The following RBFOX1 variants were observed in gnomAD, a reference collection of about 807,000 sequenced individuals.
RBFOX1 encodes the protein RNA binding protein fox-1 homolog 1.
In RBFOX1, 8 loss-of-function variants were observed where a neutral mutation model predicts 57.7. That is an observed-to-expected ratio of 0.14 (90% confidence interval 0.08 to 0.25). The LOEUF (loss-of-function observed/expected upper bound fraction) is 0.25, where lower values mean the gene tolerates loss of function less well. Among genes scored for constraint, RBFOX1 ranks in the 10% least tolerant of loss-of-function variants. The pLI is 1.00. For synonymous variants in RBFOX1, 326 were observed against 222.4 expected (o/e 1.47, Z -4.15); for missense variants, 611 against 548.5 (o/e 1.11, Z -1.14).
At chr16:5,359,580 T>C (rs7203927) in intron 1 of RBFOX1, among the ~76,000 whole-genome samples, 15,931 of 152,288 alleles carry the variant, frequency 0.1, 952 homozygotes, top group East Asian at 0.19. Flanking sequence ...TGAGCATCTT[T>C]TCATATGCCT....
chr16:7,387,330 C>A (rs1047127635), intron 4 of RBFOX1, among the ~76,000 whole-genome samples: 1 of 152,078 alleles, frequency 6.6e-6, no homozygotes, highest in South Asian at 2.1e-4. Context: ...AAAACTGAGA[C>A]CCAGGTATTT....
chr16:5,794,457 A>G (rs2054808059), intron 3 of RBFOX1, among the ~76,000 whole-genome samples: 1 of 151,912 alleles, frequency 6.6e-6, no homozygotes, highest in Non-Finnish European at 1.5e-5. Context: ...AAACACCAAA[A>G]TGTCTGTGAT....
At chr16:5,928,256 T>C (rs963847674) in intron 4 of RBFOX1, among the ~76,000 whole-genome samples, 3 of 151,866 alleles carry the variant, frequency 2.0e-5, no homozygotes, top group Non-Finnish European at 4.4e-5. Context: ...AGTGTTTTAA[T>C]TGTTTGTAGA....
chr16:7,364,130 T>C (rs1221947224), intron 4 of RBFOX1, among the ~76,000 whole-genome samples: 1 of 152,222 alleles, frequency 6.6e-6, no homozygotes, highest in African/African-American at 2.4e-5. Context: ...TCTCCCTGTC[T>C]GTTGGTAATC....
intron 4 of RBFOX1, among the ~76,000 whole-genome samples, chr16:7,096,001 A>G: frequency 7.3e-6 from 1 of 136,412 alleles, no homozygotes; most frequent in Non-Finnish European, 1.5e-5. Flanking sequence ...CAACAGAGTG[A>G]GACTCTGTCT....
At chr16:5,368,553 A>G (rs778164920) in intron 1 of RBFOX1, among the ~76,000 whole-genome samples, 1 of 152,042 alleles carries the variant, frequency 6.6e-6, no homozygotes, top group Non-Finnish European at 1.5e-5. Context: ...TAATTCTGCA[A>G]CTCTTGCTTA....
chr16:7,200,783 C>T (rs7189620), intron 4 of RBFOX1, among the ~76,000 whole-genome samples: 95,579 of 151,982 alleles, frequency 0.63, 31,352 homozygotes, highest in African/African-American at 0.82. Context: ...GGAAAAGCCT[C>T]TAATAGGGAC....
chr16:5,781,176 T>A (rs776744902), intron 3 of RBFOX1, among the ~76,000 whole-genome samples: 1 of 152,162 alleles, frequency 6.6e-6, no homozygotes, highest in Non-Finnish European at 1.5e-5. Context: ...AGCTAAAAGA[T>A]AGGTGCTTTT....
rs112413592 is a variant in RBFOX1, at chr16:6,478,615, A to C, written c.-64+161558A>C. Among the ~76,000 whole-genome samples, 913 of 151,240 alleles carry C rather than the reference A, an allele frequency of 6.0e-3. 13 individuals carry two copies. The highest frequency in any genetic ancestry group is 0.021 in the African/African-American group (876 of 41,148). On this transcript the variant is annotated intron_variant, in intron 2 of 15. Transcript: ENST00000550418. ...TTAATCATTTCTAGCTTTTGATTTA[A>C]AGTGAGAGGTGTGTGGCTCTTCCTT...
intron 2 of RBFOX1, among the ~76,000 whole-genome samples, chr16:6,449,801 G>T (rs1349291999): frequency 1.3e-5 from 2 of 152,138 alleles, no homozygotes; most frequent in African/African-American, 4.8e-5. Flanking sequence ...CTCCCATCAG[G>T]TTCTTGCTAA....
intron 1 of RBFOX1, among the ~76,000 whole-genome samples, chr16:5,413,902 C>G (rs1421650916): frequency 6.6e-6 from 1 of 152,112 alleles, no homozygotes. Context: ...ATTCCTGCGT[C>G]CATGTTCCTG....
intron 4 of RBFOX1, among the ~76,000 whole-genome samples, chr16:7,142,435 C>A (rs745766420): frequency 6.6e-6 from 1 of 152,152 alleles, no homozygotes; most frequent in Non-Finnish European, 1.5e-5. Flanking sequence ...CCATCAGCCC[C>A]TGTACCGCAG....
intron 14 of RBFOX1, among the ~76,000 whole-genome samples, chr16:7,693,106 C>A (rs925335955): frequency 1.3e-5 from 2 of 152,078 alleles, no homozygotes; most frequent in African/African-American, 4.8e-5. Context: ...GTACATAGTT[C>A]GTATTCTGAC....
intron 1 of RBFOX1, among the ~76,000 whole-genome samples, chr16:6,231,691 G>C (rs1025034528): frequency 1.3e-5 from 2 of 152,212 alleles, no homozygotes; most frequent in Non-Finnish European, 2.9e-5. Flanking sequence ...TAATTGATTA[G>C]GCATGTCTGC....
At chr16:5,417,167 A>G (rs2067183863) in intron 1 of RBFOX1, among the ~76,000 whole-genome samples, 4 of 152,340 alleles carry the variant, frequency 2.6e-5, no homozygotes, top group African/African-American at 9.6e-5. Flanking sequence ...GCCTTTTGTG[A>G]ACTGTTAATT....
At chr16:5,757,421 G>C (rs146348949) in intron 3 of RBFOX1, among the ~76,000 whole-genome samples, 1 of 151,844 alleles carries the variant, frequency 6.6e-6, no homozygotes, top group African/African-American at 2.4e-5. Context: ...TAGTAGAGAC[G>C]GGGTTTCACC....
At chr16:6,630,826 C>T (rs1459633941) in intron 2 of RBFOX1, among the ~76,000 whole-genome samples, 2 of 152,110 alleles carry the variant, frequency 1.3e-5, no homozygotes, top group Non-Finnish European at 2.9e-5. Context: ...AAGAAAGAAA[C>T]TTGACTTCCT....
intron 1 of RBFOX1, among the ~76,000 whole-genome samples, chr16:6,080,165 G>A (rs912320426): frequency 6.6e-6 from 1 of 152,170 alleles, no homozygotes. Flanking sequence ...AGGAGAGAGC[G>A]TGGCAGGTTC....
intron 4 of RBFOX1, among the ~76,000 whole-genome samples, chr16:7,392,121 G>A (rs1002252513): frequency 6.6e-6 from 1 of 152,180 alleles, no homozygotes; most frequent in African/African-American, 2.4e-5. Context: ...CTCCCTTGCA[G>A]ATTCTGTACA....
Sources: allele counts gnomAD v4.1 joint callset (sites outside exome capture counted in the v4.1 genomes callset), GRCh38; gene constraint gnomAD v4.1.1; transcripts MANE v1.5; gene names NCBI Gene and HGNC (gene_info 2026-07-23, HGNC 2026-07-21).